The following OTOF variants were observed in gnomAD, a reference collection of about 807,000 sequenced individuals.
OTOF encodes otoferlin, also known as fer-1-like family member 2.
Under a neutral mutation model 236.8 loss-of-function variants are expected in OTOF, and 218 were observed. That is an observed-to-expected ratio of 0.92 (90% CI 0.82 to 1.03). The LOEUF is 1.03. Ranked by LOEUF, OTOF falls within the 50% of genes least tolerant of loss-of-function variation. OTOF has a pLI of 0.00. For synonymous variants in OTOF, 1,041 were observed against 1,072.5 expected (o/e 0.97, Z 0.57); for missense variants, 2,590 against 2,694.4 (o/e 0.96, Z 0.86).
At chr2:26,492,534 T>C (rs934783657) in intron 9 of OTOF, among the ~76,000 whole-genome samples, 1 of 152,208 alleles carries the variant, frequency 6.6e-6, no homozygotes, top group Admixed American at 6.5e-5. Flanking sequence ...GGAGGGGACC[T>C]GCGCAGGGCG....
At position 26,463,489 on chromosome 2, in the gene OTOF, G is replaced by A. The variant is rs1162545185; in HGVS notation, c.5186C>T (p.Pro1729Leu). The A allele has an allele frequency of 1.9e-6, 3 of 1,602,212 alleles. No individual in the cohort carries two copies. Among genetic ancestry groups the A allele is most frequent in the Non-Finnish European group, 2.6e-6 (3 of 1,174,640 alleles). Residue 1729 changes from proline to leucine, a missense_variant, in exon 41 of 47, where the codon CCC becomes CTC. Physicochemically the swap from Pro to Leu is moderately conservative, Grantham distance 98 (BLOSUM62 -3). Transcript: ENST00000272371. The stretch of plus-strand genomic sequence containing the variant: ...TGGGCCCCAGGCCGCTCACTTCTTG[G>A]GCTTCCGAGGTGAGATGTCCAGAGG... The part of the protein sequence containing the change: ...GTPLDISPRK[P>L]KKYELRVIIW...
intron 18 of OTOF, chr2:26,478,178 T>G: frequency 2.0e-6 from 1 of 508,558 alleles, no homozygotes; most frequent in Non-Finnish European, 3.0e-6. Flanking sequence ...GGAGTGGCTC[T>G]GGCTCTGAGA....
intron 32 of OTOF, among the ~76,000 whole-genome samples, chr2:26,469,288 C>G (rs1664874043): frequency 6.6e-6 from 1 of 152,212 alleles, no homozygotes; most frequent in Non-Finnish European, 1.5e-5. Context: ...CCACCGCCAC[C>G]TGGTGGCAGT....
intron 4 of OTOF, among the ~76,000 whole-genome samples, chr2:26,517,209 T>C (rs11126535): frequency 0.87 from 131,727 of 151,970 alleles, 58,393 homozygotes; most frequent in Non-Finnish European, 0.96. Flanking sequence ...AGAGTCATGA[T>C]TGGGCTTCCT....
chr2:26,554,729 T>C (rs4665879), intron 1 of OTOF, among the ~76,000 whole-genome samples: 112,378 of 150,494 alleles, frequency 0.75, 43,318 homozygotes, highest in East Asian at 0.84. Flanking sequence ...CTTTTGGGAA[T>C]GGCTGGAAGT....
chr2:26,527,712 T>C, intron 3 of OTOF, 120 bp downstream of exon 3: 1 of 789,270 alleles, frequency 1.3e-6, no homozygotes, highest in South Asian at 1.4e-5. Context: ...TGAAGATCAA[T>C]CCAGGGCAGG....
intron 12 of OTOF, 90 bp from the exon 13 acceptor site, chr2:26,483,738 G>T: frequency 1.7e-6 from 2 of 1,158,762 alleles, no homozygotes; most frequent in Non-Finnish European, 2.5e-6. Context: ...TCCTGGCACA[G>T]TCTCTAAGGG....
At chr2:26,518,093 G>A (rs1666580650) in intron 4 of OTOF, among the ~76,000 whole-genome samples, 1 of 152,194 alleles carries the variant, frequency 6.6e-6, no homozygotes, top group Non-Finnish European at 1.5e-5. Context: ...AGCTCCCTGT[G>A]GCTGCAGTCC....
intron 5 of OTOF, among the ~76,000 whole-genome samples, chr2:26,509,186 A>T (rs1178421830): frequency 4.6e-5 from 7 of 152,164 alleles, no homozygotes; most frequent in African/African-American, 1.7e-4. Flanking sequence ...GAAGCTGGGG[A>T]TGGACAGGCT....
chr2:26,515,501 G>A (rs539325408), intron 5 of OTOF, among the ~76,000 whole-genome samples: 20 of 152,336 alleles, frequency 1.3e-4, no homozygotes, highest in African/African-American at 4.8e-4. Context: ...GTGCAAAGGA[G>A]AAAACATATT....
chr2:26,537,503 C>A (rs1337809521), intron 2 of OTOF, among the ~76,000 whole-genome samples: 1 of 152,230 alleles, frequency 6.6e-6, no homozygotes, highest in Non-Finnish European at 1.5e-5. Context: ...ACACGGGCCT[C>A]ACCTGTGCAG....
chr2:26,467,766 A>G (rs1664806034), intron 33 of OTOF, among the ~76,000 whole-genome samples: 2 of 152,202 alleles, frequency 1.3e-5, no homozygotes, highest in South Asian at 2.1e-4. Context: ...TTGGGGGTGG[A>G]GGCCTGTTGC....
At chr2:26,542,753 G>C (rs954521751) in intron 1 of OTOF, among the ~76,000 whole-genome samples, 5 of 152,212 alleles carry the variant, frequency 3.3e-5, no homozygotes, top group African/African-American at 1.2e-4. Context: ...CTGCCCTCAG[G>C]GAGCAGCCTG....
At chr2:26,527,265 A>C (rs1382784529) in intron 3 of OTOF, among the ~76,000 whole-genome samples, 2 of 152,246 alleles carry the variant, frequency 1.3e-5, no homozygotes, top group African/African-American at 4.8e-5. Flanking sequence ...CATTTAATTC[A>C]CACAGCTGCC....
At chr2:26,525,097 C>A (rs1263043051) in intron 3 of OTOF, among the ~76,000 whole-genome samples, 1 of 152,290 alleles carries the variant, frequency 6.6e-6, no homozygotes, top group South Asian at 2.1e-4. Flanking sequence ...CCTTGGGGGC[C>A]CCTGGTGGGG....
intron 1 of OTOF, among the ~76,000 whole-genome samples, chr2:26,540,611 T>TAGTC (rs1316309183): frequency 6.6e-6 from 1 of 152,090 alleles, no homozygotes; most frequent in Non-Finnish European, 1.5e-5. Context: ...ACCCAGGAGC[T>TAGTC]AGTCCTAGTT....
At chr2:26,557,275 TA>T (rs894536142) in intron 1 of OTOF, among the ~76,000 whole-genome samples, 5 of 152,106 alleles carry the variant, frequency 3.3e-5, no homozygotes, top group Non-Finnish European at 7.4e-5. Context: ...CTCTTTAGTA[TA>T]GGGGGGTCCT....
intron 8 of OTOF, among the ~76,000 whole-genome samples, chr2:26,495,996 T>G (rs1170411849): frequency 6.6e-6 from 1 of 152,260 alleles, no homozygotes; most frequent in Non-Finnish European, 1.5e-5. Context: ...TTTGTTTGTA[T>G]GGCCAGTGCG....
intron 9 of OTOF, among the ~76,000 whole-genome samples, chr2:26,494,222 A>C (rs1447563596): frequency 6.6e-6 from 1 of 152,224 alleles, no homozygotes; most frequent in African/African-American, 2.4e-5. Flanking sequence ...GGGGAGATTA[A>C]AGTAGAAGGT....
Sources: allele counts gnomAD v4.1 joint callset (sites outside exome capture counted in the v4.1 genomes callset), GRCh38; gene constraint gnomAD v4.1.1; transcripts MANE v1.5; gene names NCBI Gene and HGNC (gene_info 2026-07-23, HGNC 2026-07-21).